The following CHRM3 variants were observed in gnomAD, a reference collection of about 807,000 sequenced individuals.
The protein encoded by CHRM3 is muscarinic acetylcholine receptor M3.
CHRM3 carries 11 observed loss-of-function variants against 41.8 expected under a neutral mutation model. That is an observed-to-expected ratio of 0.26 (90% CI 0.17 to 0.44). CHRM3 has a LOEUF of 0.44. CHRM3 is among the 20% of genes least tolerant of loss of function. CHRM3 has a pLI of 1.00. For missense variants in CHRM3, 571 were observed against 745.4 expected, an observed-to-expected ratio of 0.77 and a Z score of 2.72; for synonymous variants, 297 against 301.4, an observed-to-expected ratio of 0.99 and a Z score of 0.15.
chr1:239,519,278 T>A (rs1669470776), intron 2 of CHRM3, among the ~76,000 whole-genome samples: 1 of 152,182 alleles, frequency 6.6e-6, no homozygotes, highest in Non-Finnish European at 1.5e-5. Context: ...AATAAAAATT[T>A]ATACAGATGC....
rs1365895690 is a variant in CHRM3, at chr1:239,881,156, G to A, written c.-19-26277G>A. Among the ~76,000 whole-genome samples, 12 of 151,768 alleles carry A rather than the reference G, an allele frequency of 7.9e-5. No individual in the cohort carries two copies. In the East Asian group the frequency reaches 1.4e-3, roughly 17 times the overall value. On this transcript the variant is annotated intron_variant, in intron 6 of 6. Coordinates refer to ENST00000676153, the MANE Select transcript of CHRM3 (RefSeq NM_001375978.1). ...AAATTAGCCGGGCGTGGTGGTGGGCGCCTGTAGTCCCAGCTTCTCGGGAGG... is the reference window on the plus strand; with the variant it reads ...AAATTAGCCGGGCGTGGTGGTGGGCACCTGTAGTCCCAGCTTCTCGGGAGG...
intron 6 of CHRM3, among the ~76,000 whole-genome samples, chr1:239,874,760 G>A (rs1034202236): frequency 6.6e-5 from 10 of 151,622 alleles, no homozygotes; most frequent in Non-Finnish European, 1.3e-4. Flanking sequence ...GTGCAATGGC[G>A]TGATCTCGGC....
At chr1:239,477,565 A>G (rs1012310890) in intron 1 of CHRM3, among the ~76,000 whole-genome samples, 3 of 152,190 alleles carry the variant, frequency 2.0e-5, no homozygotes, top group Non-Finnish European at 2.9e-5. Flanking sequence ...CCAACTTTTA[A>G]TCAACTTTAA....
chr1:239,819,120 C>T (rs1671829986), intron 5 of CHRM3, among the ~76,000 whole-genome samples: 1 of 152,162 alleles, frequency 6.6e-6, no homozygotes, highest in Non-Finnish European at 1.5e-5. Context: ...AGCCAGGCGA[C>T]TACCTGACTG....
In CHRM3 at chr1:239,499,438, C is replaced by T. The variant is rs191715158; in HGVS notation, c.-422+6631C>T. ...TACTGTATGTTAGGCAAAGAAAAGA[C>T]TGTTGAGATAAGCAAGATTACAAGA... On this transcript the variant is annotated intron_variant, in intron 2 of 6. Transcript: ENST00000676153. 2.3e-3 allele frequency among the ~76,000 whole-genome samples: 349 copies of T among 152,262 alleles called. 2 individuals are homozygous for T. Among genetic ancestry groups the T allele is most frequent in the Non-Finnish European group, 3.8e-3 (258 of 68,024 alleles).
At chr1:239,621,956 C>T (rs1668418020) in intron 3 of CHRM3, among the ~76,000 whole-genome samples, 1 of 152,034 alleles carries the variant, frequency 6.6e-6, no homozygotes. Flanking sequence ...GACAGGCTGA[C>T]TTCCTTATTA....
rs956501935 is a variant in CHRM3, at chr1:239,837,342, G to C, written c.-20+9964G>C. 3.9e-5 allele frequency among the ~76,000 whole-genome samples: 6 copies of C among 152,228 alleles called. No homozygotes were observed. The East Asian group carries it at 1.2e-3, about 29-fold the overall frequency. On this transcript the variant is annotated intron_variant, in intron 6 of 6. Transcript: ENST00000676153. ...CCTAGAATCGCAAAATGAGAATGAA[G>C]CTGTAGAAATCATCGAATCCAACTT...
At chr1:239,591,072 T>C (rs1293702722) in intron 3 of CHRM3, among the ~76,000 whole-genome samples, 4 of 152,188 alleles carry the variant, frequency 2.6e-5, no homozygotes, top group Admixed American at 6.5e-5. Context: ...ATAGGTTCTG[T>C]GTGTTACATT....
intron 4 of CHRM3, among the ~76,000 whole-genome samples, chr1:239,671,001 C>A (rs1432995360): frequency 6.6e-6 from 1 of 152,046 alleles, no homozygotes; most frequent in African/African-American, 2.4e-5. Flanking sequence ...GTAGTTGTAC[C>A]ACATTACATT....
At chr1:239,464,967 TAAA>T (rs1407445741) in intron 1 of CHRM3, among the ~76,000 whole-genome samples, 1 of 152,110 alleles carries the variant, frequency 6.6e-6, no homozygotes, top group Non-Finnish European at 1.5e-5. Context: ...AATGGATAAA[TAAA>T]AGAGAGATGA....
At chr1:239,413,893 A>G (rs1256145086) in intron 1 of CHRM3, among the ~76,000 whole-genome samples, 1 of 152,176 alleles carries the variant, frequency 6.6e-6, no homozygotes, top group Non-Finnish European at 1.5e-5. Context: ...GTGATTGTAA[A>G]TGTTCGCTTT....
intron 6 of CHRM3, among the ~76,000 whole-genome samples, chr1:239,843,507 A>C (rs1384476033): frequency 7.6e-6 from 1 of 130,868 alleles, no homozygotes; most frequent in Non-Finnish European, 1.5e-5. Context: ...GCTTTAATAT[A>C]GCAGATTAGC....
chr1:239,424,819 A>G (rs1358292581), intron 1 of CHRM3, among the ~76,000 whole-genome samples: 5 of 152,222 alleles, frequency 3.3e-5, no homozygotes, highest in African/African-American at 1.2e-4. Context: ...CAGATCATGT[A>G]GGGCTCTTTA....
chr1:239,558,022 A>C (rs1660529448), intron 3 of CHRM3, among the ~76,000 whole-genome samples: 1 of 152,154 alleles, frequency 6.6e-6, no homozygotes, highest in Non-Finnish European at 1.5e-5. Context: ...TGCTGAGTCA[A>C]ATGATATTTC....
intron 1 of CHRM3, among the ~76,000 whole-genome samples, chr1:239,483,521 G>T (rs970971321): frequency 1.3e-5 from 2 of 152,216 alleles, no homozygotes; most frequent in Non-Finnish European, 2.9e-5. Context: ...GAAGTAGTTT[G>T]CCCTTCTTCT....
intron 5 of CHRM3, among the ~76,000 whole-genome samples, chr1:239,713,644 A>G (rs1227838379): frequency 6.6e-6 from 1 of 152,176 alleles, no homozygotes; most frequent in Non-Finnish European, 1.5e-5. Context: ...CCCATCACAG[A>G]TCTCCATGGA....
chr1:239,414,817 C>T (rs1466750022), intron 1 of CHRM3, among the ~76,000 whole-genome samples: 1 of 152,156 alleles, frequency 6.6e-6, no homozygotes, highest in East Asian at 1.9e-4. Flanking sequence ...CTCTTTGATA[C>T]AGAATAATTT....
At chr1:239,877,893 T>C (rs975607478) in intron 6 of CHRM3, among the ~76,000 whole-genome samples, 361 of 149,628 alleles carry the variant, frequency 2.4e-3, no homozygotes, top group African/African-American at 8.4e-3. Context: ...TTTCTTTCTT[T>C]TTTTTTTTTT....
At chr1:239,620,073 C>G (rs1290006559) in intron 3 of CHRM3, among the ~76,000 whole-genome samples, 1 of 152,066 alleles carries the variant, frequency 6.6e-6, no homozygotes, top group Non-Finnish European at 1.5e-5. Context: ...TTACAGGAAA[C>G]CATTTGGTGA....
Sources: gnomAD v4.1 joint callset for allele counts (sites outside exome capture counted in the v4.1 genomes callset) on GRCh38, gnomAD v4.1.1 for gene constraint, MANE v1.5 for transcripts, NCBI Gene and HGNC (gene_info 2026-07-23, HGNC 2026-07-21) for gene names.